NTM: variants seen among roughly 807,000 people sequenced by gnomAD.
NTM encodes neurotrimin, also known as IgLON family member 2.
NTM carries 13 observed loss-of-function variants against 42.1 expected under a neutral mutation model. The ratio of observed to expected loss-of-function variants is 0.31; its 90% CI spans 0.20 to 0.49. NTM has a LOEUF of 0.49. Among genes scored for constraint, NTM ranks in the 20% least tolerant of loss-of-function variants. The pLI, the probability that NTM is intolerant of heterozygous loss-of-function variation, is 0.99. For missense variants in NTM, 373 were observed against 452.8 expected (o/e 0.82, Z 1.60); for synonymous variants, 187 against 179.2 (o/e 1.04, Z -0.35).
At chr11:131,961,394 G>A (rs2062150673) in intron 2 of NTM, among the ~76,000 whole-genome samples, 1 of 152,188 alleles carries the variant, frequency 6.6e-6, no homozygotes, top group Non-Finnish European at 1.5e-5. Flanking sequence ...CTATTCCAAA[G>A]CTTGGTGATA....
chr11:131,588,840 G>C (rs1419737373), intron 1 of NTM, among the ~76,000 whole-genome samples: 1 of 152,220 alleles, frequency 6.6e-6, no homozygotes, highest in Non-Finnish European at 1.5e-5. Flanking sequence ...ATGGGGTAAA[G>C]ACATTAACTG....
intron 2 of NTM, among the ~76,000 whole-genome samples, chr11:132,123,690 G>GCT (rs1282722266): frequency 6.6e-6 from 1 of 152,176 alleles, no homozygotes; most frequent in Non-Finnish European, 1.5e-5. Context: ...GCTGGCAATA[G>GCT]CTCCTCTGAG....
intron 1 of NTM, among the ~76,000 whole-genome samples, chr11:131,862,673 G>A (rs2046767747): frequency 6.6e-6 from 1 of 152,154 alleles, no homozygotes; most frequent in African/African-American, 2.4e-5. Context: ...GGACTTTCAT[G>A]TTCCTCTTAT....
chr11:131,742,632 T>C (rs528753271), intron 1 of NTM, among the ~76,000 whole-genome samples: 1 of 152,306 alleles, frequency 6.6e-6, no homozygotes, highest in African/African-American at 2.4e-5. Context: ...ATGTTGTGAG[T>C]TATTTGTTTT....
intron 1 of NTM, among the ~76,000 whole-genome samples, chr11:131,679,542 C>T (rs1405617594): frequency 1.3e-5 from 2 of 151,876 alleles, no homozygotes; most frequent in East Asian, 3.9e-4. Context: ...TGCTGCCTGC[C>T]CAGCTTTCAG....
At chr11:131,492,744 A>T (rs1954930164) in intron 1 of NTM, among the ~76,000 whole-genome samples, 1 of 152,204 alleles carries the variant, frequency 6.6e-6, no homozygotes, top group African/African-American at 2.4e-5. Flanking sequence ...ATGGGACCAG[A>T]TGATGGGGGC....
At chr11:131,688,190 G>C (rs1019641477) in intron 1 of NTM, among the ~76,000 whole-genome samples, 10 of 152,174 alleles carry the variant, frequency 6.6e-5, no homozygotes, top group Non-Finnish European at 1.3e-4. Flanking sequence ...CGCCCCCCGA[G>C]CCGCGAGGCT....
chr11:132,238,563 C>T (rs1040339362), intron 4 of NTM, among the ~76,000 whole-genome samples: 2 of 140,188 alleles, frequency 1.4e-5, no homozygotes, highest in African/African-American at 5.3e-5. Flanking sequence ...TGTCTTTTGG[C>T]ATGAGGTTGT....
At chr11:131,841,514 C>T (rs1203334376) in intron 1 of NTM, among the ~76,000 whole-genome samples, 1 of 152,156 alleles carries the variant, frequency 6.6e-6, no homozygotes, top group Non-Finnish European at 1.5e-5. Context: ...ATCCTGATGC[C>T]CAGGCCATAC....
At chr11:132,171,048 G>A (rs185680822) in intron 3 of NTM, among the ~76,000 whole-genome samples, 5 of 152,250 alleles carry the variant, frequency 3.3e-5, no homozygotes, top group Admixed American at 6.5e-5. Flanking sequence ...TGCAAGAATC[G>A]TTCACTAAAT....
At chr11:131,910,997 C>T (rs1247050959) in intron 1 of NTM, 17 of 999,430 alleles carry the variant, frequency 1.7e-5, no homozygotes, top group Non-Finnish European at 4.8e-6. Flanking sequence ...GCGAGCCCGG[C>T]TCCGAAACTT....
intron 1 of NTM, among the ~76,000 whole-genome samples, chr11:131,754,758 A>G (rs76972626): frequency 8.4e-4 from 128 of 152,366 alleles, no homozygotes; most frequent in African/African-American, 2.9e-3. Context: ...AGCTTTATTT[A>G]TATTAGCCAA....
At chr11:132,203,727 T>C (rs1277213857) in intron 3 of NTM, among the ~76,000 whole-genome samples, 1 of 152,050 alleles carries the variant, frequency 6.6e-6, no homozygotes, top group African/African-American at 2.4e-5. Flanking sequence ...CTGTCTCTAC[T>C]AAAAATAACA....
intron 1 of NTM, among the ~76,000 whole-genome samples, chr11:131,460,804 TG>T (rs1793844341): frequency 6.6e-6 from 1 of 152,196 alleles, no homozygotes; most frequent in Non-Finnish European, 1.5e-5. Flanking sequence ...TCCGCCCGCT[TG>T]GGCCTCCCAA....
chr11:132,326,951 A>T (rs1162685698), intron 7 of NTM, among the ~76,000 whole-genome samples: 2 of 152,236 alleles, frequency 1.3e-5, no homozygotes, highest in East Asian at 3.8e-4. Flanking sequence ...CTTTAAGAGA[A>T]GTTCAAAGCT....
intron 2 of NTM, among the ~76,000 whole-genome samples, chr11:132,071,131 C>T (rs1330288025): frequency 7.0e-6 from 1 of 143,126 alleles, no homozygotes; most frequent in Non-Finnish European, 1.6e-5. Flanking sequence ...GGTTAGTTAA[C>T]ACGTCACACA....
At chr11:132,119,036 G>A (rs574769659) in intron 2 of NTM, among the ~76,000 whole-genome samples, 7 of 152,218 alleles carry the variant, frequency 4.6e-5, no homozygotes, top group African/African-American at 7.2e-5. Context: ...AGTTTCCAGC[G>A]GATGAAAAGA....
intron 1 of NTM, among the ~76,000 whole-genome samples, chr11:131,498,807 G>T (rs569954572): frequency 1.0e-3 from 153 of 152,280 alleles, no homozygotes; most frequent in Non-Finnish European, 1.6e-3. Context: ...CTCCTCATTT[G>T]ATCTCCTTTA....
intron 1 of NTM, among the ~76,000 whole-genome samples, chr11:131,638,517 GATTGCACC>G (rs1312976463): frequency 1.5e-5 from 2 of 131,602 alleles, no homozygotes; most frequent in African/African-American, 5.8e-5. Flanking sequence ...GGTGAGCTGA[GATTGCACC>G]ATTGCATTCC....
Sources: allele counts gnomAD v4.1 joint callset (sites outside exome capture counted in the v4.1 genomes callset), GRCh38; gene constraint gnomAD v4.1.1; transcripts MANE v1.5; gene names NCBI Gene and HGNC (gene_info 2026-07-23, HGNC 2026-07-21).